FBXL17: variants seen among roughly 807,000 people sequenced by gnomAD.
FBXL17 encodes the protein F-box and leucine rich repeat protein 17.
FBXL17 carries 22 observed loss-of-function variants against 66.2 expected under a neutral mutation model. That is an observed-to-expected ratio of 0.33 (90% CI 0.24 to 0.47). FBXL17 has a LOEUF of 0.47. Among genes scored for constraint, FBXL17 ranks in the 20% least tolerant of loss-of-function variants. FBXL17 has a pLI of 1.00. For missense variants in FBXL17, 878 were observed against 948.2 expected (o/e 0.93, Z 0.97); for synonymous variants, 474 against 400.5 (o/e 1.18, Z -2.19).
chr5:107,967,427 T>C lies in FBXL17; in HGVS notation c.1822+53498A>G, dbSNP rs532161101. On this transcript the variant is annotated intron_variant, in intron 7 of 8. Coordinates refer to ENST00000542267, the MANE Select transcript of FBXL17 (RefSeq NM_001163315.3). ...CCCTTCTCCGAGAGCTGGCAGTCTA[T>C]ATTTTAGGACCCGTTTAAAACAACA... Among the ~76,000 whole-genome samples the C allele has an allele frequency of 2.7e-5, 4 of 150,732 alleles. No homozygotes were observed. The South Asian group carries it at 6.3e-4, about 24-fold the overall frequency.
chr5:108,154,287 GA>G (rs56042627), intron 6 of FBXL17, among the ~76,000 whole-genome samples: 32,970 of 98,072 alleles, frequency 0.34, 4,835 homozygotes, highest in East Asian at 0.5. Context: ...GATCACAGCT[GA>G]AAAAAAAAAA....
Position 108,058,117 on chromosome 5 carries a change from G to A in FBXL17, c.1746-37116C>T, listed in dbSNP as rs1747780457. ...GAAAGAATAAAGTTACCTAACATTA[G>A]TGAACACTCGGTAGTAATGGTAATC... On this transcript the variant is annotated intron_variant, in intron 6 of 8. Coordinates refer to ENST00000542267, the MANE Select transcript of FBXL17 (RefSeq NM_001163315.3). 3.3e-5 allele frequency among the ~76,000 whole-genome samples: 5 copies of A among 152,202 alleles called. No homozygotes were observed. The South Asian group carries it at 1.0e-3, about 32-fold the overall frequency.
chr5:108,157,399 T>G (rs542655305), intron 6 of FBXL17, among the ~76,000 whole-genome samples: 1 of 152,062 alleles, frequency 6.6e-6, no homozygotes, highest in East Asian at 1.9e-4. Context: ...TTCATATAGA[T>G]CTAGTCATGA....
chr5:108,299,839 T>TG, intron 4 of FBXL17: 2 of 984,708 alleles, frequency 2.0e-6, no homozygotes, highest in Non-Finnish European at 2.4e-6. Context: ...GTCGAGAATC[T>TG]GAAAAAAAGG....
At chr5:108,354,582 C>G (rs1346769603) in intron 3 of FBXL17, among the ~76,000 whole-genome samples, 3 of 151,832 alleles carry the variant, frequency 2.0e-5, no homozygotes, top group Non-Finnish European at 4.4e-5. Flanking sequence ...GCACTCCTGA[C>G]TAATAATTTA....
chr5:108,072,528 C>A (rs1470108055), intron 6 of FBXL17, among the ~76,000 whole-genome samples: 1 of 152,026 alleles, frequency 6.6e-6, no homozygotes, highest in South Asian at 2.1e-4. Context: ...ATGGTGAAAC[C>A]CCGTCTCTAC....
intron 7 of FBXL17, among the ~76,000 whole-genome samples, chr5:108,002,900 T>G (rs1182676087): frequency 6.6e-6 from 1 of 152,152 alleles, no homozygotes. Flanking sequence ...TGCCTGAAAT[T>G]GAACAGGAAC....
Position 108,348,535 on chromosome 5 carries a change from A to G in FBXL17, c.1375-5T>C, listed in dbSNP as rs1747427259. The G allele has an allele frequency of 6.2e-7, 1 of 1,609,106 alleles. No individual in the cohort carries two copies. The highest frequency in any genetic ancestry group is 1.1e-5 in the South Asian group (1 of 90,618). On this transcript the variant is annotated splice_polypyrimidine_tract_variant and splice_region_variant and intron_variant, in intron 3 of 8. Coordinates refer to ENST00000542267, the MANE Select transcript of FBXL17 (RefSeq NM_001163315.3). ...TTCTCTGCATTTTGAGCCCAGCTGTAAACAAACAGATTTAGCTGAATGCTC... is the reference window on the plus strand; with the variant it reads ...TTCTCTGCATTTTGAGCCCAGCTGTGAACAAACAGATTTAGCTGAATGCTC...
chr5:108,161,116 G>A (rs770834478), intron 6 of FBXL17, among the ~76,000 whole-genome samples: 8 of 151,778 alleles, frequency 5.3e-5, no homozygotes, highest in Non-Finnish European at 7.4e-5. Context: ...AGAGAGTCCC[G>A]GGAGAAAAAA....
At chr5:108,129,010 T>C (rs1750823624) in intron 6 of FBXL17, among the ~76,000 whole-genome samples, 1 of 152,138 alleles carries the variant, frequency 6.6e-6, no homozygotes, top group South Asian at 2.1e-4. Context: ...TTTAGGTAGA[T>C]TTTATACCAA....
intron 6 of FBXL17, among the ~76,000 whole-genome samples, chr5:108,147,121 T>C (rs1271740375): frequency 6.6e-6 from 1 of 152,228 alleles, no homozygotes; most frequent in Non-Finnish European, 1.5e-5. Context: ...CAAAAGTCTC[T>C]ACCTCTTAAT....
rs1038872191 is a variant in FBXL17 at position 108,091,095 on chromosome 5, C to A, written c.1746-70094G>T. Reference sequence around the variant, plus strand: ...CTATCACAATGTGACGTTAGCAGAGCAAGCTGTTAAAACGAAACAAAACCT... The same window carrying A: ...CTATCACAATGTGACGTTAGCAGAGAAAGCTGTTAAAACGAAACAAAACCT... On this transcript the variant is annotated intron_variant, in intron 6 of 8. Transcript: ENST00000542267. 7.0e-4 allele frequency among the ~76,000 whole-genome samples: 107 copies of A among 152,282 alleles called. 2 individuals carry two copies. The highest frequency in any genetic ancestry group is 2.5e-3 in the African/African-American group (103 of 41,574).
intron 6 of FBXL17, among the ~76,000 whole-genome samples, chr5:108,066,010 C>T (rs992298901): frequency 1.3e-5 from 2 of 152,010 alleles, no homozygotes; most frequent in African/African-American, 2.4e-5. Context: ...AGGGGACTAT[C>T]GAAGGTTAGG....
At chr5:108,213,291 G>A (rs899176771) in intron 5 of FBXL17, among the ~76,000 whole-genome samples, 1 of 152,158 alleles carries the variant, frequency 6.6e-6, no homozygotes, top group African/African-American at 2.4e-5. Context: ...CCCCTTTCCA[G>A]GGGAGTGAAT....
At position 108,151,310 on chromosome 5, in the gene FBXL17, C is replaced by T. The variant is rs1044196595; in HGVS notation, c.1745+34807G>A. ...AAGCAGAACTAAACTAAACCCATCA[C>T]ATTTGAGCCTATCAGACTCATTGGT... is the stretch of plus-strand genomic sequence containing the variant. On this transcript the variant is annotated intron_variant, in intron 6 of 8. Transcript: ENST00000542267. 9.9e-5 allele frequency among the ~76,000 whole-genome samples: 15 copies of T among 152,264 alleles called. No homozygotes were observed. The South Asian group carries it at 1.2e-3, about 13-fold the overall frequency.
intron 7 of FBXL17, among the ~76,000 whole-genome samples, chr5:107,917,125 C>T (rs1225232188): frequency 3.3e-5 from 5 of 152,180 alleles, no homozygotes; most frequent in Non-Finnish European, 5.9e-5. Context: ...TAGATTACTA[C>T]CACCGCCACT....
Position 107,861,597 on chromosome 5 carries a change from A to G in FBXL17, c.*123T>C. ...TGCAGTATGCAAACAAGACACAAAT[A>G]CACATACTTGAACACACACAGACAG... On this transcript the variant is annotated 3_prime_UTR_variant, in exon 9 of 9. Coordinates refer to ENST00000542267, the MANE Select transcript of FBXL17 (RefSeq NM_001163315.3). 1.1e-6 allele frequency: 1 copy of G among 882,798 alleles called. No homozygotes were observed. Among genetic ancestry groups the G allele is most frequent in the Middle Eastern group, 2.8e-4 (1 of 3,526 alleles). The allele number at this position is 882,798 out of a possible 1,614,324, so 54.7% of individuals were successfully genotyped here. A position where few individuals can be genotyped will look rare whatever the true frequency, so the allele number is the denominator to read the frequency against.
Position 107,879,576 on chromosome 5 carries a change from A to G in FBXL17, c.1965+1461T>C, listed in dbSNP as rs571826921. The stretch of plus-strand genomic sequence containing the variant: ...AAGGTCTCGTATAAGTTGGGATTCT[A>G]AAGTGTTTGGAGAAAAGAATTAGCC... On this transcript the variant is annotated intron_variant, in intron 8 of 8. Transcript: ENST00000542267. 3.0e-4 allele frequency: 293 copies of G among 985,450 alleles called. 1 individual carries two copies. The African/African-American group carries it at 4.8e-3, about 16-fold the overall frequency. The allele number at this position is 985,450 out of a possible 1,614,324, so 61.0% of individuals were successfully genotyped here.
chr5:108,199,021 A>C (rs1753787828), intron 5 of FBXL17, among the ~76,000 whole-genome samples: 1 of 152,164 alleles, frequency 6.6e-6, no homozygotes, highest in Non-Finnish European at 1.5e-5. Flanking sequence ...GAAATGTCCA[A>C]CTGTAAAACT....
Sources: allele counts gnomAD v4.1 joint callset (sites outside exome capture counted in the v4.1 genomes callset), GRCh38; gene constraint gnomAD v4.1.1; transcripts MANE v1.5; gene names NCBI Gene and HGNC (gene_info 2026-07-23, HGNC 2026-07-21).